The following TMEM63B variants were observed in gnomAD, a reference collection of about 807,000 sequenced individuals.
TMEM63B encodes transmembrane protein 63B.
A neutral mutation model predicts 102.6 loss-of-function variants in TMEM63B; 23 were observed. The observed-to-expected ratio is 0.22, with a 90% CI of 0.16 to 0.32. TMEM63B has a LOEUF of 0.32. TMEM63B is among the 10% of genes least tolerant of loss of function. The probability of loss-of-function intolerance (pLI) is 1.00; values close to 1 mark genes in which losing one functional copy is unlikely to be tolerated. For synonymous variants in TMEM63B, 444 were observed against 437.0 expected, an observed-to-expected ratio of 1.02 and a Z score of -0.20; for missense variants, 628 against 1,095.9, an observed-to-expected ratio of 0.57 and a Z score of 6.03.
In TMEM63B at chr6:44,148,138, G is replaced by C. The variant is rs891802899; in HGVS notation, c.988-114G>C. 1 of 1,435,840 alleles carries C rather than the reference G, an allele frequency of 7.0e-7. No homozygotes were observed. The highest frequency in any genetic ancestry group is 9.4e-7 in the Non-Finnish European group (1 of 1,065,006). 88.9% of individuals were successfully genotyped at this position (1,435,840 alleles called of 1,614,324 possible). A position where few individuals can be genotyped will look rare whatever the true frequency, so the allele number is the denominator to read the frequency against. On this transcript the variant is annotated intron_variant, in intron 12 of 23. Coordinates refer to ENST00000323267, the MANE Select transcript of TMEM63B (RefSeq NM_018426.3). This position sits in a 1 kb window ranked among gnomAD's most constrained non-coding sequence, Gnocchi z 5.1. ...ACGCTGTTTCCAAAAAAAAAAAAAT[G>C]CTTAGAGGAGCAGTGCCTGGCTTGT...
At position 44,154,845 on chromosome 6, in the gene TMEM63B, T is replaced by TG; in HGVS notation, c.2462dup (p.Cys821TrpfsTer9). ...CCTCACGGACACAGACTTCCAGTCT[T>TG]GCGAGGACAGCCTCATAGAGAATGA... On this transcript the variant is annotated frameshift_variant, in exon 24 of 24. Transcript: ENST00000323267. LOFTEE classifies it high-confidence loss of function. The TG allele has an allele frequency of 6.2e-7, 1 of 1,605,930 alleles. No individual in the cohort carries two copies.
intron 5 of TMEM63B, among the ~76,000 whole-genome samples, chr6:44,137,137 C>T (rs148622396): frequency 5.3e-4 from 81 of 152,322 alleles, no homozygotes; most frequent in African/African-American, 1.8e-3. Flanking sequence ...GTGGGTGGCC[C>T]CTGGCCATGT....
chr6:44,155,068 T>G lies in TMEM63B; in HGVS notation c.*185T>G, dbSNP rs915144955. On this transcript the variant is annotated 3_prime_UTR_variant, in exon 24 of 24. Transcript: ENST00000323267. ...GATGGAGGGAGGGAGCCCCCCAACC[T>G]CAGTGAGGAGAGCCCCGAGCCGGCC... is the stretch of plus-strand genomic sequence containing the variant. 1.4e-5 allele frequency: 8 copies of G among 566,914 alleles called. No homozygotes were observed. Among genetic ancestry groups the G allele is most frequent in the Admixed American group, 4.0e-5 (1 of 25,208 alleles). 35.1% of individuals were successfully genotyped at this position (566,914 alleles called of 1,614,324 possible).
chr6:44,148,335 G>A lies in TMEM63B; in HGVS notation c.1071G>A (p.Lys357=). Residue 357 remains lysine (K), a synonymous_variant, in exon 13 of 24, where the codon AAG becomes AAA. Coordinates refer to ENST00000323267, the MANE Select transcript of TMEM63B (RefSeq NM_018426.3). This position sits in a 1 kb window ranked among gnomAD's most constrained non-coding sequence, Gnocchi z 5.1. The part of the protein sequence containing the change: ...YKREKEKVNE[K]PLGMAFVTFH... ...GGGAGAAGGAGAAGGTGAATGAGAAGCCTCTTGGCATGGCCTTTGTCACCT... is the reference window on the plus strand; with the variant it reads ...GGGAGAAGGAGAAGGTGAATGAGAAACCTCTTGGCATGGCCTTTGTCACCT... 1 of 1,614,232 alleles carries A rather than the reference G, an allele frequency of 6.2e-7. No homozygotes were observed. The highest frequency in any genetic ancestry group is 8.5e-7 in the Non-Finnish European group (1 of 1,180,034).
intron 23 of TMEM63B, 66 bp downstream of exon 23, chr6:44,154,511 A>G: frequency 6.3e-7 from 1 of 1,590,174 alleles, no homozygotes; most frequent in South Asian, 1.1e-5. Flanking sequence ...GTGTTCCCTT[A>G]GTCCTGCAGA....
chr6:44,136,981 C>T (rs1437853354), intron 5 of TMEM63B, among the ~76,000 whole-genome samples: 1 of 152,200 alleles, frequency 6.6e-6, no homozygotes, highest in African/African-American at 2.4e-5. Flanking sequence ...GGAGGCGGAG[C>T]TTGCAGTGAG....
Position 44,150,387 on chromosome 6 carries a change from T to C in TMEM63B, c.1607+77T>C, listed in dbSNP as rs1267424405. Reference sequence around the variant, plus strand: ...GGAGAGGAGAGCAGTTCAGCCTCCCTACCTCCCCTACAAAGCAAGGGGCCC... The same window carrying C: ...GGAGAGGAGAGCAGTTCAGCCTCCCCACCTCCCCTACAAAGCAAGGGGCCC... On this transcript the variant is annotated intron_variant, in intron 17 of 23. Transcript: ENST00000323267. The surrounding 1 kb of genome is among the most constrained non-coding windows in gnomAD (Gnocchi z 4.7). 8.7e-6 allele frequency: 13 copies of C among 1,501,444 alleles called. No homozygotes were observed. Among genetic ancestry groups the C allele is most frequent in the Non-Finnish European group, 1.1e-5 (12 of 1,079,490 alleles). 93.0% of individuals were successfully genotyped at this position (1,501,444 alleles called of 1,614,324 possible).
intron 10 of TMEM63B, among the ~76,000 whole-genome samples, chr6:44,145,678 G>C (rs956895715): frequency 3.9e-5 from 6 of 151,944 alleles, no homozygotes; most frequent in African/African-American, 7.3e-5. Flanking sequence ...GCTCACTAGT[G>C]TAATGCCCAC....
At chr6:44,134,970 G>A (rs775187562) in intron 2 of TMEM63B, 47 bp from the exon 3 acceptor site, 1 of 1,602,732 alleles carries the variant, frequency 6.2e-7, no homozygotes, top group African/African-American at 1.3e-5. Flanking sequence ...AGTCCAGCAG[G>A]TGGACAGACA....
At chr6:44,153,966 A>G (rs1019909021) in intron 21 of TMEM63B, 107 bp from the exon 22 acceptor site, 5 of 1,554,076 alleles carry the variant, frequency 3.2e-6, no homozygotes, top group South Asian at 1.2e-5. Context: ...GGCTGGGGCC[A>G]GTCTGTAGCA....
At position 44,149,902 on chromosome 6, in the gene TMEM63B, G is replaced by T. The variant is rs952840974; in HGVS notation, c.1457G>T (p.Cys486Phe). 25 of 1,613,354 alleles carry T rather than the reference G, an allele frequency of 1.5e-5. No homozygotes were observed. Among genetic ancestry groups the T allele is most frequent in the Non-Finnish European group, 2.1e-5 (25 of 1,179,778 alleles). Reference protein sequence around the residue: ...TQFFPTLLLWCFSALLPTIVY... With the variant: ...TQFFPTLLLWFFSALLPTIVY... ...TTCTTCCCCACCCTGCTGCTGTGGT[G>T]CTTCTCGGCCCTCCTTCCCACCATC... The change falls in exon 16 of 24, where the codon TGC becomes TTC. Residue 486 changes from cysteine to phenylalanine, a missense_variant. This residue lies in a region of TMEM63B where 61 missense variants were observed against 176.0 expected (regional missense o/e 0.35). Transcript: ENST00000323267.
chr6:44,150,351 C>T lies in TMEM63B; in HGVS notation c.1607+41C>T, dbSNP rs368398804. 16 of 1,585,052 alleles carry T rather than the reference C, an allele frequency of 1.0e-5. No individual in the cohort carries two copies. The highest frequency in any genetic ancestry group is 1.4e-5 in the Non-Finnish European group (16 of 1,153,920). Reference sequence around the variant, plus strand: ...TGGGGCAGGAGCCAGGGTAGGGGGACAGCAGGATAGGGAGAGGAGAGCAGT... The same window carrying T: ...TGGGGCAGGAGCCAGGGTAGGGGGATAGCAGGATAGGGAGAGGAGAGCAGT... On this transcript the variant is annotated intron_variant, in intron 17 of 23. Coordinates refer to ENST00000323267, the MANE Select transcript of TMEM63B (RefSeq NM_018426.3). The surrounding 1 kb of genome is among the most constrained non-coding windows in gnomAD (Gnocchi z 4.7).
rs1465346936 is a variant in TMEM63B, at chr6:44,148,203, C to T, written c.988-49C>T. 1.9e-6 allele frequency: 3 copies of T among 1,609,132 alleles called. No individual in the cohort carries two copies. The highest frequency in any genetic ancestry group is 1.7e-6 in the Non-Finnish European group (2 of 1,176,744). ...CAGCGTGGGCTGGATGCTGCAGGCC[C>T]CAGCCTGGCTTTCCAACTAGAGGCC... On this transcript the variant is annotated intron_variant, in intron 12 of 23. Transcript: ENST00000323267. The surrounding 1 kb of genome is among the most constrained non-coding windows in gnomAD (Gnocchi z 5.1).
At chr6:44,147,670 A>G (rs2072392422) in intron 12 of TMEM63B, among the ~76,000 whole-genome samples, 170 bp downstream of exon 12, 1 of 152,224 alleles carries the variant, frequency 6.6e-6, no homozygotes, top group Non-Finnish European at 1.5e-5. Context: ...TTCAAACCTC[A>G]AATTAGAAAA....
chr6:44,134,759 C>T lies in TMEM63B; in HGVS notation c.159+16C>T. On this transcript the variant is annotated intron_variant, in intron 2 of 23. Coordinates refer to ENST00000323267, the MANE Select transcript of TMEM63B (RefSeq NM_018426.3). The stretch of plus-strand genomic sequence containing the variant: ...GTGCTTCCTTGTAAGTGCCTGCTGC[C>T]ACCCCTTACCTTGGCATCCATGCCC... 2 of 1,608,626 alleles carry T rather than the reference C, an allele frequency of 1.2e-6. No homozygotes were observed. Among genetic ancestry groups the T allele is most frequent in the South Asian group, 1.1e-5 (1 of 90,724 alleles).
At chr6:44,138,714 TCTC>T (rs1290411336) in intron 6 of TMEM63B, 197 bp downstream of exon 6, 2 of 423,816 alleles carry the variant, frequency 4.7e-6, no homozygotes, top group East Asian at 4.2e-5. Context: ...GACCCCATAA[TCTC>T]CTCTGTGACC....
At chr6:44,133,247 TAAAC>T (rs1447400973) in intron 1 of TMEM63B, among the ~76,000 whole-genome samples, 2 of 152,148 alleles carry the variant, frequency 1.3e-5, no homozygotes, top group Non-Finnish European at 2.9e-5. Flanking sequence ...GTGAAACACA[TAAAC>T]AACTCCATCC....
rs1015654980 is a variant in TMEM63B at position 44,150,738 on chromosome 6, G to A, written c.1673+109G>A. 17 of 1,157,744 alleles carry A rather than the reference G, an allele frequency of 1.5e-5. No individual in the cohort carries two copies. The highest frequency in any genetic ancestry group is 3.8e-6 in the Non-Finnish European group (3 of 788,246). The allele number at this position is 1,157,744 out of a possible 1,614,324, so 71.7% of individuals were successfully genotyped here. ...TGCAACAAAGCTTCCAACTCCTGGA[G>A]GGGGCAGAAGAGAGAGGATCTGGCG... is the stretch of plus-strand genomic sequence containing the variant. On this transcript the variant is annotated intron_variant, in intron 18 of 23. Coordinates refer to ENST00000323267, the MANE Select transcript of TMEM63B (RefSeq NM_018426.3). The surrounding 1 kb of genome is among the most constrained non-coding windows in gnomAD (Gnocchi z 4.7).
Position 44,150,250 on chromosome 6 carries a change from A to C in TMEM63B, c.1547A>C (p.His516Pro). 6.2e-7 allele frequency: 1 copy of C among 1,614,016 alleles called. No individual in the cohort carries two copies. The highest frequency in any genetic ancestry group is 8.5e-7 in the Non-Finnish European group (1 of 1,180,008). The change falls in exon 17 of 24, where the codon CAC becomes CCC. Residue 516 changes from histidine to proline, a missense_variant. Transcript: ENST00000323267. The surrounding 1 kb of genome is among the most constrained non-coding windows in gnomAD (Gnocchi z 4.7). ...TCTGGGGAGAACAGGACAACCATGC[A>C]CAAGTGCTACACTTTCCTCATCTTC... ...TRSGENRTTM[H>P]KCYTFLIFMV...
Sources: gnomAD v4.1 joint callset for allele counts (sites outside exome capture counted in the v4.1 genomes callset) on GRCh38, gnomAD v4.1.1 for gene constraint, gnomAD v4.1.1 regional missense constraint, Gnocchi (gnomAD v3.1) non-coding constraint, MANE v1.5 for transcripts, NCBI Gene and HGNC (gene_info 2026-07-23, HGNC 2026-07-21) for gene names.